The following TAC3 variants were observed in gnomAD, a reference collection of about 807,000 sequenced individuals.
TAC3 encodes tachykinin-3.
In TAC3, 9 loss-of-function variants were observed where a neutral mutation model predicts 16.5. The ratio of observed to expected loss-of-function variants is 0.55; its 90% confidence interval spans 0.33 to 0.95. The LOEUF (loss-of-function observed/expected upper bound fraction) is 0.95, where lower values mean the gene tolerates loss of function less well. TAC3 is among the 40% of genes least tolerant of loss of function. The probability of loss-of-function intolerance (pLI) is 0.03; values close to 1 mark genes in which losing one functional copy is unlikely to be tolerated. For synonymous variants in TAC3, 52 were observed against 56.7 expected (o/e 0.92, Z 0.37); for missense variants, 129 against 149.1 (o/e 0.87, Z 0.70).
chr12:57,015,580 C>T lies in TAC3; in HGVS notation c.114+104G>A, dbSNP rs1428240134. The T allele has an allele frequency of 4.0e-6, 4 of 996,938 alleles. No homozygotes were observed. In the Admixed American group the frequency reaches 5.2e-5, roughly 13 times the overall value. 61.8% of individuals were successfully genotyped at this position (996,938 alleles called of 1,614,324 possible). The stretch of plus-strand genomic sequence containing the variant: ...AATCCAAAGGGAGGCAAAATGCCCT[C>T]TGACGGACAACCCCCCCACCCCAGT... On this transcript the variant is annotated intron_variant, in intron 2 of 6. Coordinates refer to ENST00000458521, the MANE Select transcript of TAC3 (RefSeq NM_013251.4).
intron 6 of TAC3, chr12:57,012,144 T>C: frequency 1.8e-6 from 1 of 555,822 alleles, no homozygotes; most frequent in Non-Finnish European, 3.3e-6. Context: ...TCCTGCTCAA[T>C]AGTCAGCTGC....
intron 3 of TAC3, 88 bp downstream of exon 3, chr12:57,013,490 A>T: frequency 6.3e-7 from 1 of 1,591,104 alleles, no homozygotes; most frequent in Non-Finnish European, 8.6e-7. Flanking sequence ...GCTATCCCCC[A>T]TCTCTCTCCC....
intron 6 of TAC3, 161 bp downstream of exon 6, chr12:57,012,217 A>T (rs556603939): frequency 2.5e-5 from 17 of 674,494 alleles, no homozygotes; most frequent in African/African-American, 2.1e-4. Context: ...CGTGCCTCTA[A>T]GTGTCTTTGT....
chr12:57,010,332 C>T, intron 6 of TAC3, 44 bp from the exon 7 acceptor site: 1 of 391,480 alleles, frequency 2.6e-6, no homozygotes, highest in Non-Finnish European at 5.0e-6. Context: ...ACACTGAAAT[C>T]ACATCTTATA....
intron 6 of TAC3, 77 bp downstream of exon 6, chr12:57,012,296 AGCATG>A (rs1956309395): frequency 7.8e-7 from 1 of 1,276,618 alleles, no homozygotes; most frequent in African/African-American, 1.5e-5. Context: ...TAATACCTGT[AGCATG>A]GGAGGAAATG....
rs1383778839 is a variant in TAC3, at chr12:57,012,396, G to A, written c.349C>T (p.Pro117Ser). The A allele has an allele frequency of 3.1e-6, 5 of 1,613,914 alleles. No individual in the cohort carries two copies. Among genetic ancestry groups the A allele is most frequent in the African/African-American group, 1.3e-5 (1 of 74,880 alleles). Reference protein sequence around the residue: ...NVPSFGILKYPPRAE With the variant: ...NVPSFGILKYSPRAE Reference sequence around the variant, plus strand: ...TCCTTACCCTATTCTGCTCTCGGGGGATACTTGAGGATGCCAAAGCTGGGG... The same window carrying A: ...TCCTTACCCTATTCTGCTCTCGGGGAATACTTGAGGATGCCAAAGCTGGGG... The change falls in exon 6 of 7, where the codon CCC becomes TCC. Residue 117 changes from proline to serine, a missense_variant. Transcript: ENST00000458521.
At chr12:57,010,477 T>C (rs1367106949) in intron 6 of TAC3, among the ~76,000 whole-genome samples, 189 bp from the exon 7 acceptor site, 3 of 152,194 alleles carry the variant, frequency 2.0e-5, no homozygotes, top group Non-Finnish European at 2.9e-5. Context: ...GGAACTCTCC[T>C]AGCCGCAGGT....
intron 2 of TAC3, among the ~76,000 whole-genome samples, chr12:57,014,672 G>T (rs1285780940): frequency 6.6e-6 from 1 of 151,562 alleles, no homozygotes; most frequent in Non-Finnish European, 1.5e-5. Context: ...GGCTCCAAAC[G>T]GTGTCCAGCC....
At chr12:57,015,084 CTGT>C (rs1205232284) in intron 2 of TAC3, among the ~76,000 whole-genome samples, 4 of 152,020 alleles carry the variant, frequency 2.6e-5, no homozygotes, top group Middle Eastern at 3.4e-3. Context: ...GGTTTTTTTG[CTGT>C]TGTTGTTTTC....
In TAC3 at chr12:57,012,368, C is replaced by T; in HGVS notation, c.*1+10G>A. ...AGTCCCCTCTCCCCTCTCTAATGAA[C>T]AATCCTTACCCTATTCTGCTCTCGG... On this transcript the variant is annotated intron_variant, in intron 6 of 6. Transcript: ENST00000458521. 1.3e-6 allele frequency: 2 copies of T among 1,564,076 alleles called. No homozygotes were observed. Among genetic ancestry groups the T allele is most frequent in the East Asian group, 2.3e-5 (1 of 43,474 alleles).
intron 4 of TAC3, chr12:57,013,117 G>T: frequency 1.4e-6 from 1 of 718,344 alleles, no homozygotes; most frequent in Non-Finnish European, 2.4e-6. Context: ...TCAGGGCCAC[G>T]AAGAGATCCC....
In TAC3 at chr12:57,012,416, C is replaced by G. The variant is rs1169260046; in HGVS notation, c.329G>C (p.Ser110Thr). The G allele has an allele frequency of 7.4e-6, 12 of 1,614,068 alleles. No individual in the cohort carries two copies. The highest frequency in any genetic ancestry group is 1.0e-5 in the Non-Finnish European group (12 of 1,180,008). ...CGGGGGATACTTGAGGATGCCAAAG[C>G]TGGGGACGTTCTCTTGATTCACATC... Reference protein sequence around the residue: ...PTDVNQENVPSFGILKYPPRA... With the variant: ...PTDVNQENVPTFGILKYPPRA... The change falls in exon 6 of 7, where the codon AGC becomes ACC. Residue 110 changes from serine (S) to threonine (T), a missense_variant. Transcript: ENST00000458521.
rs1334051586 is a variant in TAC3, at chr12:57,015,621, G to T, written c.114+63C>A. On this transcript the variant is annotated intron_variant, in intron 2 of 6. Coordinates refer to ENST00000458521, the MANE Select transcript of TAC3 (RefSeq NM_013251.4). ...CCACCCCAGTTTCCTCACTACAGCTGTCCAGACAGGCAGAGTCCCAAGTTC... is the reference window on the plus strand; with the variant it reads ...CCACCCCAGTTTCCTCACTACAGCTTTCCAGACAGGCAGAGTCCCAAGTTC... 8 of 1,477,072 alleles carry T rather than the reference G, an allele frequency of 5.4e-6. No individual in the cohort carries two copies. In the African/African-American group the frequency reaches 9.7e-5, roughly 18 times the overall value. 91.5% of individuals were successfully genotyped at this position (1,477,072 alleles called of 1,614,324 possible).
In TAC3 at chr12:57,012,829, G is replaced by A. The variant is rs1400257304; in HGVS notation, c.285C>T (p.Val95=). ...ACCTCCACACACTCCTACCTGGCTGGACGCTCCTCTTGCCCATAAGTCCCA... is the reference window on the plus strand; with the variant it reads ...ACCTCCACACACTCCTACCTGGCTGAACGCTCCTCTTGCCCATAAGTCCCA... The part of the protein sequence containing the change: ...FFVGLMGKRS[V]QPDSPTDVNQ... Residue 95 remains valine (V), a synonymous_variant, in exon 5 of 7, where the codon GTC becomes GTT. Transcript: ENST00000458521. 1 of 1,613,992 alleles carries A rather than the reference G, an allele frequency of 6.2e-7. No individual in the cohort carries two copies. Among genetic ancestry groups the A allele is most frequent in the Non-Finnish European group, 8.5e-7 (1 of 1,180,016 alleles).
rs1408389109 is a variant in TAC3 at position 57,010,196 on chromosome 12, G to A, written c.*94C>T. ...AAGCACAAGAATGTTACAAGAACAG[G>A]GAAGAGAAAGGGTAACAGGAGCGTG... On this transcript the variant is annotated 3_prime_UTR_variant, in exon 7 of 7. Transcript: ENST00000458521. 2.2e-6 allele frequency: 1 copy of A among 454,076 alleles called. No homozygotes were observed. Among genetic ancestry groups the A allele is most frequent in the African/African-American group, 2.0e-5 (1 of 50,092 alleles). 28.1% of individuals were successfully genotyped at this position (454,076 alleles called of 1,614,324 possible).
chr12:57,012,741 G>C (rs1491001567), intron 5 of TAC3, 81 bp downstream of exon 5: 4 of 1,613,736 alleles, frequency 2.5e-6, no homozygotes, highest in African/African-American at 1.3e-5. Context: ...TTTCCCTCTG[G>C]TGACAAATAT....
chr12:57,012,480 G>C (rs750242553), intron 5 of TAC3, 28 bp from the exon 6 acceptor site: 2 of 1,613,466 alleles, frequency 1.2e-6, no homozygotes, highest in Non-Finnish European at 1.7e-6. Context: ...GTGTAAGTAA[G>C]AGGGATCTTT....
rs991441474 is a variant in TAC3, at chr12:57,010,354, A to G, written c.*2-66T>C. 6 of 351,448 alleles carry G rather than the reference A, an allele frequency of 1.7e-5. No homozygotes were observed. In the Admixed American group the frequency reaches 2.2e-4, roughly 13 times the overall value. The allele number at this position is 351,448 out of a possible 1,614,324, so 21.8% of individuals were successfully genotyped here. A position where few individuals can be genotyped will look rare whatever the true frequency, so the allele number is the denominator to read the frequency against. ...AATCACATCTTATATCCTGTAAAAA[A>G]GTCCCACTGAAAACCTGCTGTGGCA... On this transcript the variant is annotated intron_variant, in intron 6 of 6. Coordinates refer to ENST00000458521, the MANE Select transcript of TAC3 (RefSeq NM_013251.4).
chr12:57,012,005 G>T, intron 6 of TAC3: 1 of 283,324 alleles, frequency 3.5e-6, no homozygotes, highest in Non-Finnish European at 6.9e-6. Context: ...CCTGTGAATT[G>T]GTTGTGGTAT....
Sources: gnomAD v4.1 joint callset for allele counts (sites outside exome capture counted in the v4.1 genomes callset) on GRCh38, gnomAD v4.1.1 for gene constraint, MANE v1.5 for transcripts, NCBI Gene and HGNC (gene_info 2026-07-23, HGNC 2026-07-21) for gene names.